HINT1: variants seen among roughly 807,000 people sequenced by gnomAD.
HINT1 encodes the protein adenosine 5'-monophosphoramidase HINT1.
Under a neutral mutation model 11.2 loss-of-function variants are expected in HINT1, and 12 were observed. That is an observed-to-expected ratio of 1.07 (90% CI 0.69 to 1.74). HINT1 has a LOEUF of 1.74. Ranked by LOEUF, HINT1 falls within the 40% of genes most tolerant of loss-of-function variation. HINT1 has a pLI of 0.00. For missense variants in HINT1, 150 were observed against 161.8 expected, an observed-to-expected ratio of 0.93 and a Z score of 0.40; for synonymous variants, 42 against 52.6, an observed-to-expected ratio of 0.80 and a Z score of 0.87.
chr5:131,162,651 G>T lies in HINT1; in HGVS notation c.137C>A (p.Pro46His), dbSNP rs1580684679. ...CACCAGAAAATGTGTTGGTGCTTGA[G>T]GGGAAATGTCATGGAAAGCAAGGCA... ...DRCLAFHDIS[P>H]QAPTHFLVIP... Residue 46 changes from proline to histidine, a missense_variant, in exon 2 of 3, where the codon CCT becomes CAT. By Grantham distance (77) the Pro-to-His change is moderately conservative. Transcript: ENST00000304043. The T allele has an allele frequency of 4.3e-6, 7 of 1,611,736 alleles. No individual in the cohort carries two copies. Among genetic ancestry groups the T allele is most frequent in the Admixed American group, 1.7e-5 (1 of 59,980 alleles).
chr5:131,165,021 C>T lies in HINT1; in HGVS notation c.111+74G>A, dbSNP rs558876472. 4.1e-4 allele frequency: 659 copies of T among 1,598,972 alleles called. 3 individuals carry two copies. In the African/African-American group the frequency reaches 7.3e-3, roughly 18 times the overall value. ...CGCTACACTCGCGACCCCTCCTCTCCCTCCGCGAGAAACCCGAGGATCCGC... is the reference window on the plus strand; with the variant it reads ...CGCTACACTCGCGACCCCTCCTCTCTCTCCGCGAGAAACCCGAGGATCCGC... On this transcript the variant is annotated intron_variant, in intron 1 of 2. Transcript: ENST00000304043.
At chr5:131,161,694 T>C (rs1013003338) in intron 2 of HINT1, among the ~76,000 whole-genome samples, 1 of 152,158 alleles carries the variant, frequency 6.6e-6, no homozygotes, top group Non-Finnish European at 1.5e-5. Flanking sequence ...ATCTTTGAAC[T>C]CTGTGATTTG....
At chr5:131,160,612 T>C in intron 2 of HINT1, 4 of 660,400 alleles carry the variant, frequency 6.1e-6, no homozygotes, top group Non-Finnish European at 7.9e-6. Flanking sequence ...TACATTTCTA[T>C]TCCCATTACC....
chr5:131,164,631 G>A (rs1755344332), intron 1 of HINT1, among the ~76,000 whole-genome samples: 1 of 152,244 alleles, frequency 6.6e-6, no homozygotes, highest in South Asian at 2.1e-4. Flanking sequence ...CAGCGCCCAG[G>A]AACGCCGGGC....
rs1332424608 is a variant in HINT1 at position 131,162,605 on chromosome 5, G to A, written c.183C>T (p.Ser61=). The change falls in exon 2 of 3, where the codon TCC becomes TCT. Residue 61 remains serine, a synonymous_variant. Coordinates refer to ENST00000304043, the MANE Select transcript of HINT1 (RefSeq NM_005340.7). The part of the protein sequence containing the change: ...HFLVIPKKHI[S]QISVAEDDDE... ...CATCATCTTCTGCCACAGAAATCTG[G>A]GATATATGTTTCTTGGGTATCACCA... The A allele has an allele frequency of 3.1e-6, 5 of 1,613,198 alleles. No individual in the cohort carries two copies. Among genetic ancestry groups the A allele is most frequent in the Non-Finnish European group, 4.2e-6 (5 of 1,179,242 alleles).
At position 131,162,661 on chromosome 5, in the gene HINT1, C is replaced by A; in HGVS notation, c.127G>T (p.Asp43Tyr). 2 of 1,608,580 alleles carry A rather than the reference C, an allele frequency of 1.2e-6. No homozygotes were observed. The highest frequency in any genetic ancestry group is 1.7e-6 in the Non-Finnish European group (2 of 1,175,780). ...TGTGTTGGTGCTTGAGGGGAAATGT[C>A]ATGGAAAGCAAGGCACTAGGGAAAA... ...FEDDRCLAFH[D>Y]ISPQAPTHFL... Residue 43 changes from aspartate (D) to tyrosine (Y), a missense_variant, in exon 2 of 3, where the codon GAC (aspartate) becomes TAC (tyrosine). By Grantham distance (160) the Asp-to-Tyr change is radical. Coordinates refer to ENST00000304043, the MANE Select transcript of HINT1 (RefSeq NM_005340.7).
chr5:131,163,100 G>A (rs1156698052), intron 1 of HINT1, among the ~76,000 whole-genome samples: 2 of 152,178 alleles, frequency 1.3e-5, no homozygotes, highest in Non-Finnish European at 2.9e-5. Context: ...GCCTCCCAGA[G>A]TGCTGGGATT....
intron 2 of HINT1, chr5:131,160,941 A>G: frequency 2.5e-6 from 1 of 405,832 alleles, no homozygotes; most frequent in Non-Finnish European, 5.0e-6. Flanking sequence ...GCTAGGCTAT[A>G]ATGTTCAGTA....
chr5:131,160,943 T>C (rs1405038057), intron 2 of HINT1: 1 of 407,044 alleles, frequency 2.5e-6, no homozygotes, highest in Non-Finnish European at 5.0e-6. Flanking sequence ...TAGGCTATAA[T>C]GTTCAGTAAG....
rs758736847 is a variant in HINT1, at chr5:131,161,871, CCT to C, written c.216+699_216+700del. On this transcript the variant is annotated intron_variant, in intron 2 of 2. Transcript: ENST00000304043. Reference sequence around the variant, plus strand: ...CAAATTTTCTTCTGCCTCTGCCACCCCTGAGACAGCTACAGCTAGACCAACCC... The same window carrying C: ...CAAATTTTCTTCTGCCTCTGCCACCCGAGACAGCTACAGCTAGACCAACCC... Among the ~76,000 whole-genome samples, 103 of 152,268 alleles carry C rather than the reference CCT, an allele frequency of 6.8e-4. 1 individual carries two copies. Among genetic ancestry groups the C allele is most frequent in the Non-Finnish European group, 1.2e-3 (84 of 68,026 alleles).
At chr5:131,160,795 CCA>C (rs1755230079) in intron 2 of HINT1, 1 of 517,940 alleles carries the variant, frequency 1.9e-6, no homozygotes, top group Non-Finnish European at 3.5e-6. Flanking sequence ...TGATCCTTTT[CCA>C]GACTGGTGAT....
intron 1 of HINT1, among the ~76,000 whole-genome samples, chr5:131,164,845 C>G (rs1194240215): frequency 6.6e-6 from 1 of 151,806 alleles, no homozygotes; most frequent in Admixed American, 6.6e-5. Flanking sequence ...CGGTGCGGCA[C>G]TCAGGGCGCC....
rs1755188379 is a variant in HINT1 at position 131,159,276 on chromosome 5, A to G, written c.*171T>C. On this transcript the variant is annotated 3_prime_UTR_variant, in exon 3 of 3. Transcript: ENST00000304043. ...TTTAAAATAACAAATCAAACGCAAC[A>G]CTCAGAGAGACTATAAGCCATGCAA... 1 of 517,048 alleles carries G rather than the reference A, an allele frequency of 1.9e-6. No individual in the cohort carries two copies. The highest frequency in any genetic ancestry group is 3.5e-6 in the Non-Finnish European group (1 of 289,198). The allele number at this position is 517,048 out of a possible 1,614,324, so 32.0% of individuals were successfully genotyped here.
At chr5:131,160,747 T>A in intron 2 of HINT1, 1 of 874,502 alleles carries the variant, frequency 1.1e-6, no homozygotes, top group Non-Finnish European at 1.6e-6. Context: ...TACAATGGTG[T>A]GGCGATATGC....
rs187566736 is a variant in HINT1, at chr5:131,164,502, T to A, written c.111+593A>T. On this transcript the variant is annotated intron_variant, in intron 1 of 2. Coordinates refer to ENST00000304043, the MANE Select transcript of HINT1 (RefSeq NM_005340.7). The stretch of plus-strand genomic sequence containing the variant: ...CCCAGGGTAGGCCTTGGGGTGGAGA[T>A]AGGGATAGGGGTAGGGGTGAGGGTG... Among the ~76,000 whole-genome samples the A allele has an allele frequency of 1.5e-3, 227 of 152,050 alleles. 1 individual carries two copies. The highest frequency in any genetic ancestry group is 2.8e-3 in the Non-Finnish European group (189 of 67,962).
At chr5:131,161,605 A>G (rs898278074) in intron 2 of HINT1, among the ~76,000 whole-genome samples, 18 of 152,128 alleles carry the variant, frequency 1.2e-4, no homozygotes, top group African/African-American at 3.4e-4. Context: ...CAAAAAAAAA[A>G]AAAAAAGAAA....
intron 2 of HINT1, among the ~76,000 whole-genome samples, chr5:131,160,138 G>A (rs556228474): frequency 6.6e-6 from 1 of 151,818 alleles, no homozygotes. Flanking sequence ...CAGGCACAAG[G>A]CACTATGCCC....
In HINT1 at chr5:131,165,120, G is replaced by A; in HGVS notation, c.86C>T (p.Ala29Val). The change falls in exon 1 of 3, where the codon GCC becomes GTC. Residue 29 changes from alanine to valine, a missense_variant. Coordinates refer to ENST00000304043, the MANE Select transcript of HINT1 (RefSeq NM_005340.7). ...FGKIIRKEIP[A>V]KIIFEDDRCL... is the part of the protein sequence containing the mutation. ...CCGGTCATCCTCAAAAATGATTTTG[G>A]CTGGTATTTCCTTGCGGATGATCTT... 1 of 1,613,530 alleles carries A rather than the reference G, an allele frequency of 6.2e-7. No individual in the cohort carries two copies.
chr5:131,160,457 GAACTTT>G (rs1755222179), intron 2 of HINT1, among the ~76,000 whole-genome samples: 1 of 152,174 alleles, frequency 6.6e-6, no homozygotes, highest in South Asian at 2.1e-4. Context: ...CAAGAGAAAA[GAACTTT>G]AACTCCCATT....
Sources: gnomAD v4.1 joint callset for allele counts (sites outside exome capture counted in the v4.1 genomes callset) on GRCh38, gnomAD v4.1.1 for gene constraint, MANE v1.5 for transcripts, NCBI Gene and HGNC (gene_info 2026-07-23, HGNC 2026-07-21) for gene names.